The following TFDP2 variants were observed in gnomAD, a reference collection of about 807,000 sequenced individuals.
The protein encoded by TFDP2 is transcription factor Dp-2 (E2F dimerization partner 2).
Under a neutral mutation model 59.3 loss-of-function variants are expected in TFDP2, and 17 were observed. The observed-to-expected ratio is 0.29, with a 90% CI of 0.20 to 0.43. TFDP2 has a LOEUF of 0.43. TFDP2 is among the 20% of genes least tolerant of loss of function. TFDP2 has a pLI of 1.00. For synonymous variants in TFDP2, 180 were observed against 194.7 expected (o/e 0.92, Z 0.63); for missense variants, 391 against 528.8 (o/e 0.74, Z 2.56).
chr3:142,000,148 A>T, intron 4 of TFDP2: 1 of 576,044 alleles, frequency 1.7e-6, no homozygotes, highest in South Asian at 2.3e-5. Flanking sequence ...TCAGGCTACC[A>T]TAACAAACCA....
intron 3 of TFDP2, among the ~76,000 whole-genome samples, chr3:142,037,485 AAG>A (rs1946743916): frequency 1.3e-5 from 2 of 152,208 alleles, no homozygotes; most frequent in African/African-American, 2.4e-5. Context: ...CTAGAAGGTG[AAG>A]AGGTCTCAGC....
At chr3:142,098,747 C>T (rs932190610) in intron 2 of TFDP2, among the ~76,000 whole-genome samples, 1 of 152,118 alleles carries the variant, frequency 6.6e-6, no homozygotes, top group Non-Finnish European at 1.5e-5. Context: ...CTCTTTAAAA[C>T]ACAAAAGTTC....
chr3:142,040,410 C>A (rs1031922428), intron 3 of TFDP2, among the ~76,000 whole-genome samples: 1 of 152,098 alleles, frequency 6.6e-6, no homozygotes, highest in East Asian at 1.9e-4. Flanking sequence ...AGTAACGTAG[C>A]AAAACACTAT....
In TFDP2 at chr3:142,070,338, G is replaced by A. The variant is rs369838760; in HGVS notation, c.82+22723C>T. The stretch of plus-strand genomic sequence containing the variant: ...GGCTGGAGTACAAGTACAATGGCAC[G>A]AACACAGCTGGCTCACTGCAGCCTA... On this transcript the variant is annotated intron_variant, in intron 3 of 12. Transcript: ENST00000489671. Among the ~76,000 whole-genome samples the A allele has an allele frequency of 5.3e-5, 8 of 151,516 alleles. No individual in the cohort carries two copies. In the East Asian group the frequency reaches 5.9e-4, roughly 11 times the overall value.
chr3:142,059,967 A>G (rs2059863890), intron 3 of TFDP2, among the ~76,000 whole-genome samples: 1 of 152,166 alleles, frequency 6.6e-6, no homozygotes, highest in Non-Finnish European at 1.5e-5. Flanking sequence ...CTTTGTTCAT[A>G]AGTAATCCAA....
intron 1 of TFDP2, among the ~76,000 whole-genome samples, chr3:142,131,432 A>G (rs2108728435): frequency 1.3e-5 from 2 of 150,344 alleles, no homozygotes; most frequent in African/African-American, 5.0e-5. Flanking sequence ...ATAAAATGTG[A>G]GTAACTCTGT....
intron 1 of TFDP2, among the ~76,000 whole-genome samples, chr3:142,112,566 G>A (rs1016137687): frequency 6.6e-6 from 1 of 152,196 alleles, no homozygotes; most frequent in Non-Finnish European, 1.5e-5. Context: ...TGTTACAGGT[G>A]AACACATTGA....
chr3:142,132,048 TG>T (rs2062533529), intron 1 of TFDP2, among the ~76,000 whole-genome samples: 1 of 141,386 alleles, frequency 7.1e-6, no homozygotes, highest in African/African-American at 2.7e-5. Flanking sequence ...TGTATAAAAA[TG>T]TTCATAGCAA....
At chr3:142,034,534 A>C (rs1261332400) in intron 3 of TFDP2, among the ~76,000 whole-genome samples, 1 of 152,190 alleles carries the variant, frequency 6.6e-6, no homozygotes, top group Non-Finnish European at 1.5e-5. Context: ...AAAACAAAAA[A>C]ACAAAAACCC....
chr3:142,142,110 A>C (rs2062983329), intron 1 of TFDP2, among the ~76,000 whole-genome samples: 1 of 152,214 alleles, frequency 6.6e-6, no homozygotes, highest in South Asian at 2.1e-4. Flanking sequence ...GCAATCAGAC[A>C]ACAGAAAGAT....
At chr3:142,056,415 G>C (rs1431809385) in intron 3 of TFDP2, among the ~76,000 whole-genome samples, 1 of 151,700 alleles carries the variant, frequency 6.6e-6, no homozygotes, top group Non-Finnish European at 1.5e-5. Context: ...GGTAAATATA[G>C]AAGCGGGATA....
rs146570109 is a variant in TFDP2, at chr3:142,071,855, C to T, written c.82+21206G>A. ...AATAATTACTTTAATTCTGGACAGA[C>T]TGAGTCTGAGGTGCATTAAAGTTAT... On this transcript the variant is annotated intron_variant, in intron 3 of 12. Transcript: ENST00000489671. 1.2e-3 allele frequency among the ~76,000 whole-genome samples: 180 copies of T among 152,278 alleles called. 1 individual carries two copies. The highest frequency in any genetic ancestry group is 3.9e-3 in the African/African-American group (164 of 41,560).
intron 3 of TFDP2, among the ~76,000 whole-genome samples, chr3:142,076,382 T>A (rs1228976066): frequency 6.6e-6 from 1 of 152,082 alleles, no homozygotes; most frequent in African/African-American, 2.4e-5. Context: ...ATAGAGACAA[T>A]CTAAGTGTTG....
At chr3:142,008,734 A>G (rs1046154975) in intron 3 of TFDP2, among the ~76,000 whole-genome samples, 2 of 151,804 alleles carry the variant, frequency 1.3e-5, no homozygotes, top group Admixed American at 6.6e-5. Context: ...TAAAGTGTAT[A>G]TATATATACA....
At chr3:142,148,512 T>TCTAATTTAC (rs1282790678) in intron 1 of TFDP2, among the ~76,000 whole-genome samples, 1 of 152,114 alleles carries the variant, frequency 6.6e-6, no homozygotes, top group East Asian at 1.9e-4. Flanking sequence ...ACACACCGAA[T>TCTAATTTAC]AGGTGGATGC....
chr3:142,109,325 T>C (rs2061571235), intron 1 of TFDP2, among the ~76,000 whole-genome samples: 1 of 144,306 alleles, frequency 6.9e-6, no homozygotes, highest in Non-Finnish European at 1.5e-5. Context: ...GAAATGTCAG[T>C]AAGCTACATT....
intron 1 of TFDP2, among the ~76,000 whole-genome samples, chr3:142,117,970 C>A (rs13100252): frequency 6.6e-6 from 1 of 151,710 alleles, no homozygotes; most frequent in African/African-American, 2.4e-5. Context: ...TGGTGGCATG[C>A]GCCTGTAATC....
rs184161356 is a variant in TFDP2 at position 141,966,452 on chromosome 3, T to C, written c.733-2489A>G. On this transcript the variant is annotated intron_variant, in intron 9 of 12. Coordinates refer to ENST00000489671, the MANE Select transcript of TFDP2 (RefSeq NM_001178139.2). Reference sequence around the variant, plus strand: ...TCCCAAAGTGCTGGGATTACAGACATGAGCCACTGCACCTGGTCATAATAA... The same window carrying C: ...TCCCAAAGTGCTGGGATTACAGACACGAGCCACTGCACCTGGTCATAATAA... Among the ~76,000 whole-genome samples, 119 of 151,996 alleles carry C rather than the reference T, an allele frequency of 7.8e-4. 3 individuals are homozygous for C. The highest frequency in any genetic ancestry group is 2.8e-3 in the African/African-American group (115 of 41,288).
intron 1 of TFDP2, among the ~76,000 whole-genome samples, chr3:142,142,166 T>C (rs1381024421): frequency 6.6e-6 from 1 of 152,230 alleles, no homozygotes; most frequent in Non-Finnish European, 1.5e-5. Context: ...ATTATCCCTG[T>C]TTGCAGATGA....
Sources: gnomAD v4.1 joint callset for allele counts (sites outside exome capture counted in the v4.1 genomes callset) on GRCh38, gnomAD v4.1.1 for gene constraint, MANE v1.5 for transcripts, NCBI Gene and HGNC (gene_info 2026-07-23, HGNC 2026-07-21) for gene names.